STOX2: variants seen among roughly 807,000 people sequenced by gnomAD.
The protein encoded by STOX2 is storkhead box 2.
A neutral mutation model predicts 60.9 loss-of-function variants in STOX2; 28 were observed. The observed-to-expected ratio is 0.46, with a 90% CI of 0.34 to 0.63. The LOEUF is 0.63. STOX2 is among the 30% of genes least tolerant of loss of function. STOX2 has a pLI of 0.01. For synonymous variants in STOX2, 472 were observed against 463.9 expected, an observed-to-expected ratio of 1.02 and a Z score of -0.22; for missense variants, 1,024 against 1,187.7, an observed-to-expected ratio of 0.86 and a Z score of 2.03.
chr4:184,011,100 G>A lies in STOX2; in HGVS notation c.2262G>A (p.Met754Ile), dbSNP rs1396911934. ...TGGGGACCTCGGCGGCACAAGCCAT[G>A]CCTGCTTCCCAGCGTCAGCAGGAGT... ...PSLGTSAAQA[M>I]PASQRQQESG... is the part of the protein sequence containing the mutation. The change falls in exon 3 of 4, where the codon ATG becomes ATA. Residue 754 changes from methionine (M) to isoleucine (I), a missense_variant. Met to Ile is a conservative substitution (Grantham distance 10). Transcript: ENST00000308497. The surrounding 1 kb of genome is among the most constrained non-coding windows in gnomAD (Gnocchi z 4.4). 4.4e-6 allele frequency: 7 copies of A among 1,594,288 alleles called. No individual in the cohort carries two copies. Among genetic ancestry groups the A allele is most frequent in the Non-Finnish European group, 5.1e-6 (6 of 1,171,364 alleles).
intron 1 of STOX2, among the ~76,000 whole-genome samples, chr4:183,931,876 G>T (rs968318517): frequency 3.9e-5 from 6 of 152,206 alleles, no homozygotes; most frequent in Non-Finnish European, 8.8e-5. Flanking sequence ...AGAAACTGTA[G>T]AGAGTGTTTA....
At chr4:183,999,110 GA>G (rs977203264) in intron 1 of STOX2, among the ~76,000 whole-genome samples, 2 of 151,630 alleles carry the variant, frequency 1.3e-5, no homozygotes, top group Non-Finnish European at 2.9e-5. Context: ...TTTTTTGTAG[GA>G]AAAAAAAGGA....
intron 1 of STOX2, among the ~76,000 whole-genome samples, chr4:183,862,903 C>T (rs1434877538): frequency 1.3e-5 from 2 of 152,066 alleles, no homozygotes; most frequent in Non-Finnish European, 2.9e-5. Flanking sequence ...ACAAGGAAGG[C>T]GTGGTTATTT....
In STOX2 at chr4:184,021,263, C is replaced by G. The variant is rs920569477; in HGVS notation, c.*3979C>G. On this transcript the variant is annotated 3_prime_UTR_variant, in exon 4 of 4. Transcript: ENST00000308497. ...ATCTTTGTAATACGCATACTTACAA[C>G]GAATTAACAAAAGGAGTGACTTAAG... The G allele has an allele frequency of 6.6e-6, 1 of 152,080 alleles. No individual in the cohort carries two copies. The highest frequency in any genetic ancestry group is 2.4e-5 in the African/African-American group (1 of 41,408). 9.4% of individuals were successfully genotyped at this position (152,080 alleles called of 1,614,324 possible).
intron 1 of STOX2, among the ~76,000 whole-genome samples, chr4:183,932,147 A>G (rs549957555): frequency 1.1e-4 from 17 of 152,062 alleles, no homozygotes; most frequent in Admixed American, 8.5e-4. Context: ...TCAAGGTGAT[A>G]CCCAGTTTCT....
At position 184,010,920 on chromosome 4, in the gene STOX2, G is replaced by T. The variant is rs1031503391; in HGVS notation, c.2082G>T (p.Arg694Ser). ...HGAEPSSLDKRKEIFSKDTLF... is the reference protein window; with the variant it reads ...HGAEPSSLDKSKEIFSKDTLF... The stretch of plus-strand genomic sequence containing the variant: ...CCGAGCCCAGCAGCTTGGACAAGAG[G>T]AAAGAGATATTTAGCAAAGACACAC... Residue 694 changes from arginine to serine, a missense_variant, in exon 3 of 4, where the codon AGG (arginine) becomes AGT (serine). Around this residue, in one of 3 missense-constraint regions of STOX2, gnomAD observed 922 missense variants for 1,058.3 expected, o/e 0.87. Coordinates refer to ENST00000308497, the MANE Select transcript of STOX2 (RefSeq NM_020225.3). The surrounding 1 kb of genome is among the most constrained non-coding windows in gnomAD (Gnocchi z 4.5). 1.2e-5 allele frequency: 20 copies of T among 1,613,308 alleles called. No individual in the cohort carries two copies. The highest frequency in any genetic ancestry group is 1.6e-5 in the Non-Finnish European group (19 of 1,179,642).
At chr4:183,883,548 C>A (rs1028156762) in intron 1 of STOX2, among the ~76,000 whole-genome samples, 1 of 152,092 alleles carries the variant, frequency 6.6e-6, no homozygotes, top group African/African-American at 2.4e-5. Context: ...GATCTCCTGA[C>A]CTTGTGATCC....
intron 1 of STOX2, among the ~76,000 whole-genome samples, chr4:183,887,561 C>T (rs1318066191): frequency 1.3e-5 from 2 of 152,296 alleles, no homozygotes; most frequent in South Asian, 2.1e-4. Context: ...CCCTGCTGAG[C>T]GCCCTGCATG....
chr4:183,922,595 C>T (rs544397479), intron 1 of STOX2, among the ~76,000 whole-genome samples: 6 of 152,174 alleles, frequency 3.9e-5, no homozygotes, highest in East Asian at 1.9e-4. Flanking sequence ...CCACCCACCT[C>T]GGCCTCCCAA....
intron 1 of STOX2, among the ~76,000 whole-genome samples, chr4:183,991,791 C>A (rs1733118236): frequency 6.6e-6 from 1 of 152,104 alleles, no homozygotes; most frequent in Non-Finnish European, 1.5e-5. Context: ...ACAGGGTAAG[C>A]ACTCAACATC....
chr4:183,862,217 C>T (rs1740465407), intron 1 of STOX2, among the ~76,000 whole-genome samples: 1 of 152,148 alleles, frequency 6.6e-6, no homozygotes, highest in Non-Finnish European at 1.5e-5. Context: ...ACTCTGTCAC[C>T]CAGGCTGGAG....
intron 3 of STOX2, among the ~76,000 whole-genome samples, chr4:184,013,024 G>C (rs1014587856): frequency 6.6e-6 from 1 of 152,156 alleles, no homozygotes; most frequent in Non-Finnish European, 1.5e-5. Flanking sequence ...GTATTTGCCT[G>C]TGTCTTTCTG....
rs1210465911 is a variant in STOX2 at position 183,836,354 on chromosome 4, G to T, written c.364+38299G>T. On this transcript the variant is annotated intron_variant, in intron 1 of 2. Coordinates refer to the STOX2 transcript ENST00000513034. The surrounding 1 kb of genome is among the most constrained non-coding windows in gnomAD (Gnocchi z 4.1). The stretch of plus-strand genomic sequence containing the variant: ...GGTTTCAGCAGCAACAGTGGTCTGA[G>T]GACCACTAAAAATAAACATAAGGAG... 2.0e-5 allele frequency among the ~76,000 whole-genome samples: 3 copies of T among 152,180 alleles called. No homozygotes were observed. The highest frequency in any genetic ancestry group is 7.2e-5 in the African/African-American group (3 of 41,442).
Position 183,865,081 on chromosome 4 carries a change from T to C in STOX2, c.364+67026T>C, listed in dbSNP as rs1198932192. On this transcript the variant is annotated intron_variant, in intron 1 of 2. Transcript: ENST00000513034. The surrounding 1 kb of genome is among the most constrained non-coding windows in gnomAD (Gnocchi z 4.1). ...CAAAGAATCTCTCTTAGAGCTGTTATCATCTGTACCCTGCCTTAGCCCGTA... is the reference window on the plus strand; with the variant it reads ...CAAAGAATCTCTCTTAGAGCTGTTACCATCTGTACCCTGCCTTAGCCCGTA... Among the ~76,000 whole-genome samples the C allele has an allele frequency of 1.3e-5, 2 of 152,224 alleles. No homozygotes were observed. Among genetic ancestry groups the C allele is most frequent in the Non-Finnish European group, 2.9e-5 (2 of 68,034 alleles).
intron 1 of STOX2, among the ~76,000 whole-genome samples, chr4:183,862,923 C>G (rs944383528): frequency 2.0e-5 from 3 of 152,154 alleles, no homozygotes; most frequent in African/African-American, 7.2e-5. Flanking sequence ...TCCGGTCAGA[C>G]AGGAGGTGAC....
Position 183,924,185 on chromosome 4 carries a change from C to G in STOX2, c.166+17229C>G, listed in dbSNP as rs773492469. ...CTGCTTCCTCACACCTTCAGCAAAC[C>G]AGCGTTGCCTGTTCGTGTCAGGGCC... On this transcript the variant is annotated intron_variant, in intron 1 of 3. Transcript: ENST00000308497. Among the ~76,000 whole-genome samples, 18 of 152,196 alleles carry G rather than the reference C, an allele frequency of 1.2e-4. 1 individual carries two copies. Among genetic ancestry groups the G allele is most frequent in the Non-Finnish European group, 2.6e-4 (18 of 68,038 alleles).
At position 183,865,297 on chromosome 4, in the gene STOX2, T is replaced by C. The variant is rs1487753765; in HGVS notation, c.364+67242T>C. On this transcript the variant is annotated intron_variant, in intron 1 of 2. Transcript: ENST00000513034. This position sits in a 1 kb window ranked among gnomAD's most constrained non-coding sequence, Gnocchi z 4.1. ...ATCTGATTATTTATTCTCTCTCTTCTTAGATACTCGGTTTTAAAGTGACTG... is the reference window on the plus strand; with the variant it reads ...ATCTGATTATTTATTCTCTCTCTTCCTAGATACTCGGTTTTAAAGTGACTG... Among the ~76,000 whole-genome samples, 1 of 152,210 alleles carries C rather than the reference T, an allele frequency of 6.6e-6. No individual in the cohort carries two copies. The highest frequency in any genetic ancestry group is 1.5e-5 in the Non-Finnish European group (1 of 68,028).
chr4:184,009,863 C>G lies in STOX2; in HGVS notation c.1025C>G (p.Ala342Gly), dbSNP rs1482646544. 3 of 1,611,558 alleles carry G rather than the reference C, an allele frequency of 1.9e-6. No individual in the cohort carries two copies. The highest frequency in any genetic ancestry group is 2.5e-6 in the Non-Finnish European group (3 of 1,178,840). The change falls in exon 3 of 4, where the codon GCC becomes GGC. Residue 342 changes from alanine (A) to glycine (G), a missense_variant. Coordinates refer to ENST00000308497, the MANE Select transcript of STOX2 (RefSeq NM_020225.3). This position sits in a 1 kb window ranked among gnomAD's most constrained non-coding sequence, Gnocchi z 4.0. ...ATGAAGAAACTGGAAGAAGAAAAGG[C>G]CCAGAGGAGTAAAGCCGGGTCCTCT... The part of the protein sequence containing the change: ...ALMKKLEEEK[A>G]QRSKAGSSAH...
intron 1 of STOX2, among the ~76,000 whole-genome samples, chr4:183,851,316 G>A (rs199750992): frequency 2.7e-3 from 92 of 33,888 alleles, no homozygotes; most frequent in African/African-American, 6.2e-3. Context: ...AAAGGATGAG[G>A]GAAAGGATGA....
Sources: allele counts gnomAD v4.1 joint callset (sites outside exome capture counted in the v4.1 genomes callset), GRCh38; gene constraint gnomAD v4.1.1; regional missense constraint gnomAD v4.1.1; non-coding constraint Gnocchi (gnomAD v3.1); transcripts MANE v1.5; gene names NCBI Gene and HGNC (gene_info 2026-07-23, HGNC 2026-07-21).